The following KCND2 variants were observed in gnomAD, a reference collection of about 807,000 sequenced individuals.
KCND2 encodes the protein A-type voltage-gated potassium channel KCND2.
In KCND2, 16 loss-of-function variants were observed where a neutral mutation model predicts 54.4. That is an observed-to-expected ratio of 0.29 (90% CI 0.20 to 0.45). The LOEUF is 0.45. KCND2 is among the 20% of genes least tolerant of loss of function. The pLI is 1.00. For synonymous variants in KCND2, 317 were observed against 310.7 expected (o/e 1.02, Z -0.21); for missense variants, 486 against 824.2 (o/e 0.59, Z 5.02).
chr7:120,305,679 C>G (rs1304145002), intron 1 of KCND2, among the ~76,000 whole-genome samples: 1 of 152,142 alleles, frequency 6.6e-6, no homozygotes, highest in Non-Finnish European at 1.5e-5. Context: ...AGTATTTCTT[C>G]CTGGATTTCA....
rs1799117863 is a variant in KCND2, at chr7:120,273,646, T to C, written c.-987T>C. On this transcript the variant is annotated 5_prime_UTR_variant, in exon 1 of 6. An upstream start codon of the reference 5' UTR is lost. Coordinates refer to ENST00000331113, the MANE Select transcript of KCND2 (RefSeq NM_012281.3). ...GAAGAGCTCGCTTGAGCTTTATTTA[T>C]GCTCTCTCGGCGCATCGGATTCGGC... is the stretch of plus-strand genomic sequence containing the variant. The C allele has an allele frequency of 6.6e-6, 1 of 152,576 alleles. No individual in the cohort carries two copies. Among genetic ancestry groups the C allele is most frequent in the Admixed American group, 6.5e-5 (1 of 15,294 alleles). 9.5% of individuals were successfully genotyped at this position (152,576 alleles called of 1,614,324 possible). A position where few individuals can be genotyped will look rare whatever the true frequency, so the allele number is the denominator to read the frequency against.
intron 1 of KCND2, among the ~76,000 whole-genome samples, chr7:120,420,030 A>G (rs2116131229): frequency 6.6e-6 from 1 of 151,668 alleles, no homozygotes; most frequent in Admixed American, 6.6e-5. Flanking sequence ...AAAAAGAAAA[A>G]ACTGAAGAGC....
chr7:120,673,898 C>A (rs1024095722), intron 1 of KCND2, among the ~76,000 whole-genome samples: 1 of 150,178 alleles, frequency 6.7e-6, no homozygotes, highest in Non-Finnish European at 1.5e-5. Context: ...CATTACCTGC[C>A]TCTTTTATTT....
At chr7:120,721,976 C>A (rs189167594) in intron 1 of KCND2, among the ~76,000 whole-genome samples, 1 of 152,252 alleles carries the variant, frequency 6.6e-6, no homozygotes. Flanking sequence ...ACTTGGCCGT[C>A]ACTCTCCCTT....
At chr7:120,536,635 C>G (rs1300392686) in intron 1 of KCND2, among the ~76,000 whole-genome samples, 1 of 152,164 alleles carries the variant, frequency 6.6e-6, no homozygotes, top group Non-Finnish European at 1.5e-5. Context: ...GACTCCATCT[C>G]AAGAAACTAC....
chr7:120,411,465 T>C (rs1801447908), intron 1 of KCND2, among the ~76,000 whole-genome samples: 1 of 151,890 alleles, frequency 6.6e-6, no homozygotes, highest in African/African-American at 2.4e-5. Context: ...GAAGAAATAT[T>C]TCCTTTATAA....
chr7:120,726,384 A>G (rs2116122863), intron 1 of KCND2, among the ~76,000 whole-genome samples: 1 of 152,282 alleles, frequency 6.6e-6, no homozygotes, highest in East Asian at 1.9e-4. Flanking sequence ...AAAATCATCC[A>G]TCAAACTGTG....
At chr7:120,719,123 A>T (rs1257913168) in intron 1 of KCND2, among the ~76,000 whole-genome samples, 1 of 152,102 alleles carries the variant, frequency 6.6e-6, no homozygotes, top group Non-Finnish European at 1.5e-5. Context: ...ATTTGAGAGG[A>T]TTATTTGCTT....
chr7:120,453,101 A>G (rs1018906217), intron 1 of KCND2, among the ~76,000 whole-genome samples: 9 of 151,942 alleles, frequency 5.9e-5, no homozygotes, highest in African/African-American at 2.2e-4. Context: ...TCATCTCTCT[A>G]TTGCAGCCTG....
At chr7:120,459,662 A>G (rs139468061) in intron 1 of KCND2, among the ~76,000 whole-genome samples, 2 of 152,364 alleles carry the variant, frequency 1.3e-5, no homozygotes, top group Non-Finnish European at 2.9e-5. Context: ...ACTATCGTCA[A>G]ATAAATGATT....
At chr7:120,680,298 C>T (rs1562907570) in intron 1 of KCND2, among the ~76,000 whole-genome samples, 1 of 152,086 alleles carries the variant, frequency 6.6e-6, no homozygotes, top group Non-Finnish European at 1.5e-5. Flanking sequence ...CTTCTCACTC[C>T]CTGGCCCTTT....
chr7:120,602,568 T>TA, intron 1 of KCND2, among the ~76,000 whole-genome samples: 1 of 152,326 alleles, frequency 6.6e-6, no homozygotes, highest in South Asian at 2.1e-4. Context: ...GCAATAAAAC[T>TA]AAAATGTTTT....
chr7:120,301,905 A>C (rs939480487), intron 1 of KCND2, among the ~76,000 whole-genome samples: 1 of 152,194 alleles, frequency 6.6e-6, no homozygotes, highest in African/African-American at 2.4e-5. Flanking sequence ...ACCATATGAT[A>C]ACTTTTTTCC....
intron 1 of KCND2, among the ~76,000 whole-genome samples, chr7:120,406,751 T>C (rs1299258818): frequency 6.6e-6 from 1 of 151,816 alleles, no homozygotes; most frequent in Non-Finnish European, 1.5e-5. Context: ...GATTAAGAAG[T>C]GTGAGAAATG....
intron 2 of KCND2, among the ~76,000 whole-genome samples, chr7:120,739,827 ACACACG>A (rs1792918639): frequency 6.7e-6 from 1 of 149,718 alleles, no homozygotes; most frequent in East Asian, 1.9e-4. Context: ...ACACACACAC[ACACACG>A]CACTCCCTTT....
At position 120,738,225 on chromosome 7, in the gene KCND2, T is replaced by C. The variant is rs528836762; in HGVS notation, c.1279-3309T>C. 2.0e-5 allele frequency among the ~76,000 whole-genome samples: 3 copies of C among 152,158 alleles called. No homozygotes were observed. The South Asian group carries it at 6.2e-4, about 32-fold the overall frequency. On this transcript the variant is annotated intron_variant, in intron 2 of 5. Coordinates refer to ENST00000331113, the MANE Select transcript of KCND2 (RefSeq NM_012281.3). ...CTCACAGTGATCATCCACAATGTCATATGGTGTGAGGAACCCGGGAGCAAA... is the reference window on the plus strand; with the variant it reads ...CTCACAGTGATCATCCACAATGTCACATGGTGTGAGGAACCCGGGAGCAAA...
chr7:120,725,489 C>T (rs544990864), intron 1 of KCND2, among the ~76,000 whole-genome samples: 2 of 152,236 alleles, frequency 1.3e-5, no homozygotes, highest in Admixed American at 6.5e-5. Flanking sequence ...GCCCAAAATA[C>T]AGCCTAAATA....
Position 120,470,043 on chromosome 7 carries a change from C to T in KCND2, c.1115+194296C>T, listed in dbSNP as rs574282027. On this transcript the variant is annotated intron_variant, in intron 1 of 5. Transcript: ENST00000331113. The stretch of plus-strand genomic sequence containing the variant: ...TGGGGTGGAATACAGTATAATTTCA[C>T]TTATTTTTTTCACTTGCTTAGTACT... Among the ~76,000 whole-genome samples the T allele has an allele frequency of 1.0e-3, 159 of 152,144 alleles. 1 individual carries two copies. The South Asian group carries it at 0.011, about 10-fold the overall frequency.
intron 1 of KCND2, among the ~76,000 whole-genome samples, chr7:120,582,204 C>T (rs1345302333): frequency 6.6e-6 from 1 of 152,092 alleles, no homozygotes; most frequent in East Asian, 1.9e-4. Context: ...CAGTGTTAAT[C>T]ACTTCCTCCT....
Sources: allele counts gnomAD v4.1 joint callset (sites outside exome capture counted in the v4.1 genomes callset), GRCh38; gene constraint gnomAD v4.1.1; transcripts MANE v1.5; gene names NCBI Gene and HGNC (gene_info 2026-07-23, HGNC 2026-07-21).